Variants in POFUT3 observed in about 807,000 individuals in gnomAD.
POFUT3 encodes the protein protein O-fucosyltransferase 3.
At chr8:33,403,610 A>G in the POFUT3 span, among the ~76,000 whole-genome samples, 250 of 152,194 alleles carry the variant, frequency 1.6e-3, 1 homozygote, top group African/African-American at 5.6e-3. Context: ...CCCAGCTACT[A>G]GGGAGAGAGT....
chr8:33,450,142 T>G, the POFUT3 span, among the ~76,000 whole-genome samples: 5 of 152,136 alleles, frequency 3.3e-5, no homozygotes, highest in Non-Finnish European at 7.4e-5. Context: ...GGTTTCACCA[T>G]GTTGGCCAGG....
chr8:33,378,740 A>T, the POFUT3 span, among the ~76,000 whole-genome samples: 9 of 152,004 alleles, frequency 5.9e-5, no homozygotes, highest in South Asian at 2.1e-4. Context: ...ACTCTTTAAC[A>T]CCCCAGGCCC....
chr8:33,344,019 CAG>C, the POFUT3 span, among the ~76,000 whole-genome samples: 2 of 152,170 alleles, frequency 1.3e-5, no homozygotes, highest in Non-Finnish European at 2.9e-5. Flanking sequence ...TAGGAATTCC[CAG>C]AGTCTTTTCA....
the POFUT3 span, among the ~76,000 whole-genome samples, chr8:33,356,254 T>G: frequency 6.6e-6 from 1 of 152,208 alleles, no homozygotes; most frequent in African/African-American, 2.4e-5. Flanking sequence ...CACACTCACT[T>G]CCACAATGGT....
At chr8:33,350,599 A>T in the POFUT3 span, among the ~76,000 whole-genome samples, 1 of 152,198 alleles carries the variant, frequency 6.6e-6, no homozygotes, top group Non-Finnish European at 1.5e-5. Context: ...GAAATACAGG[A>T]TGATTCTCAG....
At chr8:33,353,031 G>A in the POFUT3 span, among the ~76,000 whole-genome samples, 1 of 152,202 alleles carries the variant, frequency 6.6e-6, no homozygotes, top group African/African-American at 2.4e-5. Flanking sequence ...CCCATAAGAG[G>A]AGAGCAACAT....
At chr8:33,436,706 C>G in the POFUT3 span, 1 of 759,272 alleles carries the variant, frequency 1.3e-6, no homozygotes, top group Admixed American at 2.0e-5. Flanking sequence ...ACCATCCTGA[C>G]CACAGCTAGC....
the POFUT3 span, chr8:33,451,986 C>G: frequency 6.6e-6 from 1 of 151,930 alleles, no homozygotes; most frequent in Admixed American, 6.6e-5. Flanking sequence ...CTTGACACAT[C>G]GGGATTATGG....
At chr8:33,461,256 C>T in the POFUT3 span, 2 of 1,074,420 alleles carry the variant, frequency 1.9e-6, no homozygotes, top group Non-Finnish European at 2.6e-6. Context: ...CAACCCTGAT[C>T]CTGAACACCC....
chr8:33,381,347 TA>T, the POFUT3 span, among the ~76,000 whole-genome samples: 1 of 152,226 alleles, frequency 6.6e-6, no homozygotes, highest in Non-Finnish European at 1.5e-5. Context: ...CCCCCATTTT[TA>T]TACTTTATCA....
the POFUT3 span, among the ~76,000 whole-genome samples, chr8:33,379,302 A>G: frequency 3.9e-5 from 6 of 152,060 alleles, no homozygotes; most frequent in Non-Finnish European, 5.9e-5. Context: ...CACGCACATT[A>G]ACAGCCTTGA....
chr8:33,469,553 A>G, the POFUT3 span, among the ~76,000 whole-genome samples: 1 of 152,184 alleles, frequency 6.6e-6, no homozygotes, highest in African/African-American at 2.4e-5. Flanking sequence ...TAATGGGGAA[A>G]GAGGTGTAGC....
chr8:33,415,481 G>A, the POFUT3 span, among the ~76,000 whole-genome samples: 1 of 151,980 alleles, frequency 6.6e-6, no homozygotes, highest in African/African-American at 2.4e-5. Flanking sequence ...AGGGGTAGAG[G>A]TGAAAATATC....
chr8:33,435,279 G>A, the POFUT3 span, among the ~76,000 whole-genome samples: 15 of 147,654 alleles, frequency 1.0e-4, no homozygotes, highest in Non-Finnish European at 1.3e-4. Context: ...GGGCAGTGGC[G>A]TGATCTCAGC....
At chr8:33,380,028 C>CTATATATACTATATATATATACTA in the POFUT3 span, among the ~76,000 whole-genome samples, 4 of 65,822 alleles carry the variant, frequency 6.1e-5, no homozygotes, top group African/African-American at 3.2e-4. Flanking sequence ...TATATATATA[C>CTATATATACTATATATATATACTA]TATATATATA....
the POFUT3 span, among the ~76,000 whole-genome samples, chr8:33,326,708 T>A: frequency 1.9e-4 from 29 of 152,290 alleles, no homozygotes; most frequent in African/African-American, 6.7e-4. Flanking sequence ...ACTTTAGAGA[T>A]GGGAGGTCAT....
the POFUT3 span, among the ~76,000 whole-genome samples, chr8:33,316,946 C>A: frequency 1.3e-5 from 2 of 152,036 alleles, no homozygotes; most frequent in Non-Finnish European, 2.9e-5. Flanking sequence ...AACTTTTGAG[C>A]AAATGTGTAA....
At chr8:33,467,904 T>G in the POFUT3 span, among the ~76,000 whole-genome samples, 1 of 152,104 alleles carries the variant, frequency 6.6e-6, no homozygotes, top group South Asian at 2.1e-4. Context: ...GACTGTAAAA[T>G]GAGAAACCAA....
At chr8:33,393,144 C>T in the POFUT3 span, among the ~76,000 whole-genome samples, 1 of 152,144 alleles carries the variant, frequency 6.6e-6, no homozygotes, top group Non-Finnish European at 1.5e-5. Context: ...CCAACTCCAT[C>T]GCAATGCCTA....
Sources: allele counts gnomAD v4.1 joint callset (sites outside exome capture counted in the v4.1 genomes callset), GRCh38; gene constraint gnomAD v4.1.1; transcripts MANE v1.5; gene names NCBI Gene and HGNC (gene_info 2026-07-23, HGNC 2026-07-21).